Variants in SLC51A observed in about 807,000 individuals in gnomAD.
SLC51A encodes organic solute transporter subunit alpha.
In SLC51A, 22 loss-of-function variants were observed where a neutral mutation model predicts 34.8. The observed-to-expected ratio is 0.63, with a 90% CI of 0.45 to 0.90. The LOEUF (loss-of-function observed/expected upper bound fraction) is 0.90. SLC51A is among the 40% of genes least tolerant of loss of function. The pLI is 0.00. For synonymous variants in SLC51A, 181 were observed against 176.3 expected (o/e 1.03, Z -0.21); for missense variants, 371 against 414.8 (o/e 0.89, Z 0.92).
rs760363241 is a variant in SLC51A at position 196,230,081 on chromosome 3, GA to G, written c.780+24del. On this transcript the variant is annotated intron_variant, in intron 7 of 8. Transcript: ENST00000296327. The stretch of plus-strand genomic sequence containing the variant: ...TTCCAGGTAACTATACCCTGGGAGA[GA>G]AAAGATGTTTCATAACCGAGCTACA... 1.3e-6 allele frequency: 2 copies of G among 1,590,194 alleles called. No homozygotes were observed. Among genetic ancestry groups the G allele is most frequent in the Admixed American group, 3.6e-5 (2 of 56,018 alleles).
chr3:196,227,632 C>T lies in SLC51A; in HGVS notation c.289-32C>T, dbSNP rs201219119. The T allele has an allele frequency of 1.1e-5, 18 of 1,607,058 alleles. No individual in the cohort carries two copies. The South Asian group carries it at 1.4e-4, about 13-fold the overall frequency. On this transcript the variant is annotated intron_variant, in intron 3 of 8. Transcript: ENST00000296327. ...TTCCGGAGCCTCAGGGTCTCCCTCC[C>T]GCCCTCACCTGCTCCTGCCCCTTCT...
intron 2 of SLC51A, among the ~76,000 whole-genome samples, chr3:196,219,325 G>A (rs567829895): frequency 8.9e-4 from 136 of 152,298 alleles, no homozygotes; most frequent in African/African-American, 2.8e-3. Context: ...TGAGAATCAC[G>A]GCCCGAGCAT....
chr3:196,220,870 T>G (rs1160378479), intron 2 of SLC51A, among the ~76,000 whole-genome samples: 1 of 151,686 alleles, frequency 6.6e-6, no homozygotes, highest in East Asian at 1.9e-4. Flanking sequence ...ATTTGTAAAC[T>G]TTGTTGTTCC....
intron 2 of SLC51A, among the ~76,000 whole-genome samples, chr3:196,220,890 C>CTTTTTTTTTTTTTTTTTTT (rs758950658): frequency 7.6e-6 from 1 of 132,324 alleles, no homozygotes. Context: ...CTTAATTTTT[C>CTTTTTTTTTTTTTTTTTTT]TTTTTTTTTT....
chr3:196,219,194 G>C (rs978283005), intron 2 of SLC51A, among the ~76,000 whole-genome samples: 17 of 152,066 alleles, frequency 1.1e-4, no homozygotes, highest in Non-Finnish European at 1.6e-4. Flanking sequence ...CCACTGCACT[G>C]CAGCCTGGGC....
chr3:196,229,804 C>T (rs60276076), intron 6 of SLC51A, 111 bp from the exon 7 acceptor site: 1 of 1,306,460 alleles, frequency 7.7e-7, no homozygotes, highest in Non-Finnish European at 1.0e-6. Flanking sequence ...AGTGAGCTAT[C>T]ATTGCACCTC....
At position 196,226,876 on chromosome 3, in the gene SLC51A, T is replaced by C. The variant is rs1026500501; in HGVS notation, c.134-89T>C. 8.8e-6 allele frequency: 12 copies of C among 1,368,708 alleles called. No homozygotes were observed. In the African/African-American group the frequency reaches 1.6e-4, roughly 18 times the overall value. 84.8% of individuals were successfully genotyped at this position (1,368,708 alleles called of 1,614,324 possible). A position where few individuals can be genotyped will look rare whatever the true frequency, so the allele number is the denominator to read the frequency against. ...TCCTGTGCACGGGTGGGAGCCTAGA[T>C]CCAGTAAGGCAATTTCGATCCGAGG... On this transcript the variant is annotated intron_variant, in intron 2 of 8. Transcript: ENST00000296327.
rs747590467 is a variant in SLC51A, at chr3:196,228,897, G to A, written c.610G>A (p.Asp204Asn). ...CCTGGTGGGCCTGTTTCTCGTCCCCGACGGCATCTATGACCCAGCAGACGT... is the reference window on the plus strand; with the variant it reads ...CCTGGTGGGCCTGTTTCTCGTCCCCAACGGCATCTATGACCCAGCAGACGT... ...LTLVGLFLVP[D>N]GIYDPADISE... The change falls in exon 6 of 9, where the codon GAC becomes AAC. Residue 204 changes from aspartate (D) to asparagine (N), a missense_variant. Coordinates refer to ENST00000296327, the MANE Select transcript of SLC51A (RefSeq NM_152672.6). This position sits in a 1 kb window ranked among gnomAD's most constrained non-coding sequence, Gnocchi z 4.9. 1.3e-5 allele frequency: 21 copies of A among 1,613,926 alleles called. No individual in the cohort carries two copies. Among genetic ancestry groups the A allele is most frequent in the Non-Finnish European group, 1.7e-5 (20 of 1,179,966 alleles).
Position 196,216,792 on chromosome 3 carries a change from G to A in SLC51A, c.38+42G>A, listed in dbSNP as rs755528172. 88 of 1,548,044 alleles carry A rather than the reference G, an allele frequency of 5.7e-5. No homozygotes were observed. Among genetic ancestry groups the A allele is most frequent in the Admixed American group, 9.6e-5 (5 of 51,828 alleles). On this transcript the variant is annotated intron_variant, in intron 1 of 8. Coordinates refer to ENST00000296327, the MANE Select transcript of SLC51A (RefSeq NM_152672.6). This position sits in a 1 kb window ranked among gnomAD's most constrained non-coding sequence, Gnocchi z 4.5. ...GGCCCTGGGCCAGTCGCTGGGCAGC[G>A]GTGGCCCCTATCCCGCGGCCTGTCC...
At position 196,217,998 on chromosome 3, in the gene SLC51A, C is replaced by G. The variant is rs995775673; in HGVS notation, c.133+62C>G. 3 of 1,492,110 alleles carry G rather than the reference C, an allele frequency of 2.0e-6. No individual in the cohort carries two copies. In the African/African-American group the frequency reaches 4.2e-5, roughly 21 times the overall value. The allele number at this position is 1,492,110 out of a possible 1,614,324, so 92.4% of individuals were successfully genotyped here. ...GGGAAACCAGGATAGCTGAGTGGAG[C>G]TGGGGAGAGGCGGCCCTGAGCTGGT... On this transcript the variant is annotated intron_variant, in intron 2 of 8. Transcript: ENST00000296327.
chr3:196,230,052 T>G lies in SLC51A; in HGVS notation c.771T>G (p.Ala257=). 6.2e-7 allele frequency: 1 copy of G among 1,612,516 alleles called. No individual in the cohort carries two copies. The highest frequency in any genetic ancestry group is 8.5e-7 in the Non-Finnish European group (1 of 1,179,256). The change falls in exon 7 of 9, where the codon GCT becomes GCG. Residue 257 remains alanine (A), a synonymous_variant. Transcript: ENST00000296327. ...AGCAGAACATGGGAGCCAAATTTGC[T>G]CTGTTCCAGGTAACTATACCCTGGG... is the stretch of plus-strand genomic sequence containing the variant. The part of the protein sequence containing the change: ...LGEQNMGAKF[A]LFQVLLILTA...
intron 2 of SLC51A, among the ~76,000 whole-genome samples, chr3:196,220,180 G>A (rs1469234269): frequency 6.6e-6 from 1 of 152,260 alleles, no homozygotes; most frequent in Non-Finnish European, 1.5e-5. Flanking sequence ...CGGAGGAGCT[G>A]TGCTTTATCC....
At position 196,229,967 on chromosome 3, in the gene SLC51A, C is replaced by G; in HGVS notation, c.686C>G (p.Thr229Arg). ...ATCAACACTTTCCTTGGCGTGTCCA[C>G]ACTGCTGGCTCTCTGGACCCTGGGC... ...LWINTFLGVS[T>R]LLALWTLGII... Residue 229 changes from threonine (T) to arginine (R), a missense_variant, in exon 7 of 9, where the codon ACA (threonine) becomes AGA (arginine). By Grantham distance (71) the Thr-to-Arg change is moderately conservative. Coordinates refer to ENST00000296327, the MANE Select transcript of SLC51A (RefSeq NM_152672.6). The G allele has an allele frequency of 6.2e-7, 1 of 1,613,806 alleles. No individual in the cohort carries two copies. The highest frequency in any genetic ancestry group is 8.5e-7 in the Non-Finnish European group (1 of 1,179,828).
At position 196,228,461 on chromosome 3, in the gene SLC51A, A is replaced by C. The variant is rs1275366942; in HGVS notation, c.521+188A>C. Among the ~76,000 whole-genome samples, 2 of 152,216 alleles carry C rather than the reference A, an allele frequency of 1.3e-5. No individual in the cohort carries two copies. Among genetic ancestry groups the C allele is most frequent in the Non-Finnish European group, 2.9e-5 (2 of 68,022 alleles). On this transcript the variant is annotated intron_variant, in intron 5 of 8. Transcript: ENST00000296327. The surrounding 1 kb of genome is among the most constrained non-coding windows in gnomAD (Gnocchi z 4.9). ...GGGAGCAGAGGAAGGAGAGCTCCTC[A>C]ATTGTCATCACTGAACTTCACTGCA...
chr3:196,233,025 T>A (rs896082499), intron 8 of SLC51A, 38 bp from the exon 9 acceptor site: 6 of 1,602,172 alleles, frequency 3.7e-6, no homozygotes, highest in Non-Finnish European at 5.1e-6. Flanking sequence ...CCTCTGTAAC[T>A]CAGCATAACC....
At position 196,229,901 on chromosome 3, in the gene SLC51A, T is replaced by C. The variant is rs778581102; in HGVS notation, c.634-14T>C. On this transcript the variant is annotated splice_polypyrimidine_tract_variant and intron_variant, in intron 6 of 8. Transcript: ENST00000296327. ...AGCTTGCCTGCCTCACTGACTACTT[T>C]CTGTTGCCACCAGATTTCTGAGGGG... The C allele has an allele frequency of 4.6e-5, 73 of 1,590,262 alleles. No individual in the cohort carries two copies. The East Asian group carries it at 1.6e-3, about 34-fold the overall frequency.
At chr3:196,220,869 CT>C (rs1256781094) in intron 2 of SLC51A, among the ~76,000 whole-genome samples, 1 of 150,702 alleles carries the variant, frequency 6.6e-6, no homozygotes, top group Non-Finnish European at 1.5e-5. Flanking sequence ...CATTTGTAAA[CT>C]TTGTTGTTCC....
At chr3:196,223,485 T>C in intron 2 of SLC51A, among the ~76,000 whole-genome samples, 1 of 151,518 alleles carries the variant, frequency 6.6e-6, no homozygotes, top group Admixed American at 6.6e-5. Flanking sequence ...AGGGAGCAGT[T>C]AGGGAAATGA....
Position 196,232,445 on chromosome 3 carries a change from G to A in SLC51A, c.807G>A (p.Gln269=). 1.2e-6 allele frequency: 2 copies of A among 1,614,156 alleles called. No individual in the cohort carries two copies. The highest frequency in any genetic ancestry group is 1.1e-5 in the South Asian group (1 of 91,082). ...TTCTCCTCATCCTGACTGCCCTACAGCCCTCCATCTTCTCAGTCTTGGCCA... is the reference window on the plus strand; with the variant it reads ...TTCTCCTCATCCTGACTGCCCTACAACCCTCCATCTTCTCAGTCTTGGCCA... The part of the protein sequence containing the change: ...FQVLLILTAL[Q]PSIFSVLANG... Residue 269 remains glutamine (Q), a synonymous_variant, in exon 8 of 9, where the codon CAG becomes CAA. Coordinates refer to ENST00000296327, the MANE Select transcript of SLC51A (RefSeq NM_152672.6).
Sources: gnomAD v4.1 joint callset for allele counts (sites outside exome capture counted in the v4.1 genomes callset) on GRCh38, gnomAD v4.1.1 for gene constraint, Gnocchi (gnomAD v3.1) non-coding constraint, MANE v1.5 for transcripts, NCBI Gene and HGNC (gene_info 2026-07-23, HGNC 2026-07-21) for gene names.